The following CCDC14 variants were observed in gnomAD, a reference collection of about 807,000 sequenced individuals.
The protein encoded by CCDC14 is coiled-coil domain containing 14, also known as coiled-coil domain-containing protein 14.
A neutral mutation model predicts 81.4 loss-of-function variants in CCDC14; 71 were observed. The ratio of observed to expected loss-of-function variants is 0.87; its 90% CI spans 0.72 to 1.06. The LOEUF is 1.06. CCDC14 is among the 50% of genes least tolerant of loss of function. CCDC14 has a pLI of 0.00. For missense variants in CCDC14, 1,046 were observed against 1,047.3 expected, an observed-to-expected ratio of 1.00 and a Z score of 0.02; for synonymous variants, 332 against 364.8, an observed-to-expected ratio of 0.91 and a Z score of 1.03.
intron 1 of CCDC14, among the ~76,000 whole-genome samples, chr3:123,960,811 T>C (rs1020474483): frequency 6.6e-6 from 1 of 152,102 alleles, no homozygotes; most frequent in Non-Finnish European, 1.5e-5. Flanking sequence ...TTCTGAGCAG[T>C]AAAAAGTAGT....
chr3:123,946,700 T>C, intron 8 of CCDC14, 103 bp downstream of exon 8: 1 of 1,179,834 alleles, frequency 8.5e-7, no homozygotes, highest in Non-Finnish European at 1.2e-6. Context: ...CAAAACACAG[T>C]TCTATGGAAA....
At chr3:123,931,012 G>A in intron 12 of CCDC14, 90 bp downstream of exon 12, 1 of 1,073,844 alleles carries the variant, frequency 9.3e-7, no homozygotes, top group South Asian at 2.2e-5. Flanking sequence ...AAAGATATGG[G>A]GGAGAAAACA....
chr3:123,945,792 G>A (rs1339297208), intron 8 of CCDC14, among the ~76,000 whole-genome samples: 2 of 152,158 alleles, frequency 1.3e-5, no homozygotes, highest in Non-Finnish European at 2.9e-5. Context: ...TATGTACACA[G>A]TAAACAACTG....
intron 5 of CCDC14, among the ~76,000 whole-genome samples, chr3:123,901,408 T>C (rs1036409328): frequency 6.6e-6 from 1 of 152,126 alleles, no homozygotes; most frequent in Non-Finnish European, 1.5e-5. Context: ...TATTTAAATG[T>C]ATTACAGAGT....
chr3:123,948,752 A>AACT lies in CCDC14; in HGVS notation c.622_623insAGT (p.Gly207_Leu208insTer). 3 of 1,599,988 alleles carry AACT rather than the reference A, an allele frequency of 1.9e-6. No individual in the cohort carries two copies. The highest frequency in any genetic ancestry group is 2.5e-6 in the Non-Finnish European group (3 of 1,176,534). ...TGACCAGACTGGGGTGGAGGTACAT[A>AACT]AGCCATAACTAGAATGAGGAGTTGC... On this transcript the variant is annotated stop_gained, in exon 7 of 13. Transcript: ENST00000409697. LOFTEE classifies it high-confidence loss of function.
At position 123,915,422 on chromosome 3, in the gene CCDC14, C is replaced by T; in HGVS notation, c.2075G>A (p.Gly692Asp). The T allele has an allele frequency of 6.2e-7, 1 of 1,614,002 alleles. No homozygotes were observed. The highest frequency in any genetic ancestry group is 1.1e-5 in the South Asian group (1 of 91,070). Residue 692 changes from glycine to aspartate, a missense_variant, in exon 13 of 13, where the codon GGC becomes GAC. By Grantham distance (94) the Gly-to-Asp change is moderately conservative (BLOSUM62 -1). Transcript: ENST00000409697. ...TCCAGGTGCAGATGCTTCCTCCATG[C>T]CCCTAGTGTTACTATTTTGAGGGCC... ...SRGPQNSNTR[G>D]MEEASAPGII... is the part of the protein sequence containing the mutation.
intron 1 of CCDC14, among the ~76,000 whole-genome samples, chr3:123,960,625 T>C (rs769663694): frequency 6.6e-6 from 1 of 152,240 alleles, no homozygotes; most frequent in African/African-American, 2.4e-5. Flanking sequence ...TGTTGGCTGC[T>C]GTTATCATTA....
At chr3:123,933,129 C>CAAAAAA (rs60220911) in intron 10 of CCDC14, among the ~76,000 whole-genome samples, 1 of 150,614 alleles carries the variant, frequency 6.6e-6, no homozygotes, top group Non-Finnish European at 1.5e-5. Flanking sequence ...AACAAACAAA[C>CAAAAAA]AAAGCTGACA....
At chr3:123,913,265 CA>C (rs1297981228), downstream of CCDC14, among the ~76,000 whole-genome samples, 1 of 152,118 alleles carries the variant, frequency 6.6e-6, no homozygotes, top group African/African-American at 2.4e-5. Context: ...AATTATTAGC[CA>C]CTAATTAATT....
intron 9 of CCDC14, among the ~76,000 whole-genome samples, chr3:123,938,246 A>C (rs2036164277): frequency 6.6e-6 from 1 of 151,934 alleles, no homozygotes; most frequent in African/African-American, 2.4e-5. Context: ...CTTAAGTCTT[A>C]CATTTATGGA....
At chr3:123,918,645 G>C (rs2034852553) in intron 12 of CCDC14, among the ~76,000 whole-genome samples, 1 of 152,176 alleles carries the variant, frequency 6.6e-6, no homozygotes, top group African/African-American at 2.4e-5. Context: ...TTCTACCACA[G>C]AAAAAGAAAG....
chr3:123,912,793 A>T (rs190791082), downstream of CCDC14, among the ~76,000 whole-genome samples: 2 of 152,154 alleles, frequency 1.3e-5, no homozygotes, highest in East Asian at 3.9e-4. Flanking sequence ...TTTAATGGAT[A>T]CTCCTCAGCC....
At position 123,915,051 on chromosome 3, in the gene CCDC14, T is replaced by C. The variant is rs147435042; in HGVS notation, c.2446A>G (p.Ile816Val). The stretch of plus-strand genomic sequence containing the variant: ...TTGGTGGCAGCAGGGATCTTACCAA[T>C]TGCTTCCTTTATTTTCTTGAGGAGC... ...TQLLKKIKEA[I>V]GKIPAATKEP... is the part of the protein sequence containing the mutation. Residue 816 changes from isoleucine (I) to valine (V), a missense_variant, in exon 13 of 13, where the codon ATT becomes GTT. By Grantham distance (29) the Ile-to-Val change is conservative (BLOSUM62 3). Coordinates refer to ENST00000409697, the MANE Select transcript of CCDC14 (RefSeq NM_001366335.1). 1.7e-4 allele frequency: 273 copies of C among 1,614,044 alleles called. 1 individual carries two copies. In the African/African-American group the frequency reaches 3.3e-3, roughly 19 times the overall value.
downstream of CCDC14, among the ~76,000 whole-genome samples, chr3:123,893,778 G>A (rs1237967830): frequency 6.6e-6 from 1 of 152,012 alleles, no homozygotes; most frequent in Non-Finnish European, 1.5e-5. Context: ...GGTATAAAGT[G>A]GTAGTCCATT....
At chr3:123,927,109 G>A (rs2035409313) in intron 12 of CCDC14, among the ~76,000 whole-genome samples, 1 of 152,002 alleles carries the variant, frequency 6.6e-6, no homozygotes, top group Admixed American at 6.6e-5. Context: ...TTTTTGTTTT[G>A]TTTTAATGTA....
chr3:123,902,030 T>A (rs1336569167), intron 5 of CCDC14, among the ~76,000 whole-genome samples: 1 of 152,122 alleles, frequency 6.6e-6, no homozygotes, highest in African/African-American at 2.4e-5. Context: ...AGATCAAACA[T>A]GGGACAATGT....
intron 5 of CCDC14, among the ~76,000 whole-genome samples, chr3:123,906,575 T>G (rs144879915): frequency 9.7e-4 from 147 of 152,248 alleles, no homozygotes; most frequent in African/African-American, 3.3e-3. Flanking sequence ...ACCACTGATT[T>G]AAGCAGCTCA....
At chr3:123,919,580 A>G (rs2034919571) in intron 12 of CCDC14, among the ~76,000 whole-genome samples, 1 of 152,186 alleles carries the variant, frequency 6.6e-6, no homozygotes, top group Non-Finnish European at 1.5e-5. Flanking sequence ...CAGTGGCCTC[A>G]CTGGTTGACG....
chr3:123,900,118 G>C (rs2034149739), intron 5 of CCDC14, among the ~76,000 whole-genome samples: 2 of 151,956 alleles, frequency 1.3e-5, no homozygotes, highest in African/African-American at 4.8e-5. Flanking sequence ...ACACAATGTG[G>C]GTTAATAAAT....
Sources: allele counts gnomAD v4.1 joint callset (sites outside exome capture counted in the v4.1 genomes callset), GRCh38; gene constraint gnomAD v4.1.1; transcripts MANE v1.5; gene names NCBI Gene and HGNC (gene_info 2026-07-23, HGNC 2026-07-21).